NOL4: variants seen among roughly 807,000 people sequenced by gnomAD.
The protein encoded by NOL4 is nucleolar protein 4.
NOL4 carries 17 observed loss-of-function variants against 75.9 expected under a neutral mutation model. The observed-to-expected ratio is 0.22, with a 90% CI of 0.15 to 0.34. NOL4 has a LOEUF of 0.34. NOL4 is among the 10% of genes least tolerant of loss of function. The probability of loss-of-function intolerance (pLI) is 1.00; values close to 1 mark genes in which losing one functional copy is unlikely to be tolerated. For synonymous variants in NOL4, 292 were observed against 289.9 expected, an observed-to-expected ratio of 1.01 and a Z score of -0.07; for missense variants, 614 against 793.5, an observed-to-expected ratio of 0.77 and a Z score of 2.72.
chr18:33,871,379 G>A (rs1599691761), intron 10 of NOL4, among the ~76,000 whole-genome samples: 1 of 151,930 alleles, frequency 6.6e-6, no homozygotes, highest in African/African-American at 2.4e-5. Context: ...GTGGACAATG[G>A]CTGGCTCAAT....
intron 10 of NOL4, among the ~76,000 whole-genome samples, chr18:33,882,965 CA>C (rs1388174516): frequency 6.6e-6 from 1 of 151,756 alleles, no homozygotes; most frequent in Non-Finnish European, 1.5e-5. Flanking sequence ...AACAAAAAAC[CA>C]AACACCGCAT....
chr18:34,040,280 T>C (rs942731450), intron 5 of NOL4, among the ~76,000 whole-genome samples: 5 of 151,928 alleles, frequency 3.3e-5, no homozygotes, highest in African/African-American at 9.7e-5. Context: ...TTTCTCTTTA[T>C]ACATTTTGGT....
chr18:34,022,813 A>G (rs1047219305), intron 5 of NOL4, among the ~76,000 whole-genome samples: 2 of 152,094 alleles, frequency 1.3e-5, no homozygotes, highest in African/African-American at 2.4e-5. Flanking sequence ...TATCTTGGTT[A>G]AAAACTAAAC....
At chr18:34,127,871 G>A (rs1445741345) in intron 2 of NOL4, among the ~76,000 whole-genome samples, 1 of 151,884 alleles carries the variant, frequency 6.6e-6, no homozygotes, top group Non-Finnish European at 1.5e-5. Context: ...TCAGGAAAAG[G>A]TGACAACACT....
intron 9 of NOL4, among the ~76,000 whole-genome samples, chr18:33,910,674 G>A (rs966677994): frequency 1.3e-5 from 2 of 152,074 alleles, no homozygotes; most frequent in Non-Finnish European, 2.9e-5. Context: ...GACCCAGGAT[G>A]ACGGTGTTGT....
chr18:34,164,376 A>G (rs1421529867), intron 1 of NOL4, among the ~76,000 whole-genome samples: 1 of 152,188 alleles, frequency 6.6e-6, no homozygotes, highest in Non-Finnish European at 1.5e-5. Context: ...ATCTATAATG[A>G]ACTCAAACAA....
At chr18:33,948,547 C>T (rs2068991360) in intron 8 of NOL4, among the ~76,000 whole-genome samples, 1 of 151,960 alleles carries the variant, frequency 6.6e-6, no homozygotes, top group Admixed American at 6.6e-5. Context: ...TAACCAGCTA[C>T]TTGCCATGTG....
rs376428220 is a variant in NOL4, at chr18:34,133,745, C to T, written c.265-3725G>A. The stretch of plus-strand genomic sequence containing the variant: ...AAAAAGGTCAAATAAGAAAGTTGGC[C>T]GGGCTCAGTGGCTCAGGCCTGTAAT... On this transcript the variant is annotated intron_variant, in intron 1 of 10. Coordinates refer to ENST00000261592, the MANE Select transcript of NOL4 (RefSeq NM_003787.5). Among the ~76,000 whole-genome samples, 46 of 152,174 alleles carry T rather than the reference C, an allele frequency of 3.0e-4. No individual in the cohort carries two copies. In the South Asian group the frequency reaches 7.3e-3, roughly 24 times the overall value.
intron 9 of NOL4, among the ~76,000 whole-genome samples, chr18:33,940,560 C>T (rs573995809): frequency 2.0e-4 from 30 of 151,840 alleles, no homozygotes; most frequent in Admixed American, 1.3e-4. Flanking sequence ...GAGTAGGAGG[C>T]TAGGGGAGGG....
At chr18:34,195,330 T>G (rs2146438041) in intron 1 of NOL4, among the ~76,000 whole-genome samples, 1 of 152,310 alleles carries the variant, frequency 6.6e-6, no homozygotes, top group Admixed American at 6.5e-5. Context: ...CTTCACTTTA[T>G]GGATATTACT....
intron 5 of NOL4, among the ~76,000 whole-genome samples, chr18:34,057,614 T>C (rs1329869397): frequency 6.6e-6 from 1 of 152,202 alleles, no homozygotes; most frequent in African/African-American, 2.4e-5. Flanking sequence ...TAACAGTATC[T>C]ATTGACAATA....
rs149393879 is a variant in NOL4 at position 34,050,508 on chromosome 18, T to C, written c.773-30907A>G. On this transcript the variant is annotated intron_variant, in intron 5 of 10. Coordinates refer to ENST00000261592, the MANE Select transcript of NOL4 (RefSeq NM_003787.5). ...TCGATCATATTATATATTGTCTAGC[T>C]TCCCCAAGAAGACAATATTGTTTGT... is the stretch of plus-strand genomic sequence containing the variant. Among the ~76,000 whole-genome samples the C allele has an allele frequency of 4.9e-4, 75 of 152,198 alleles. No homozygotes were observed. The Middle Eastern group carries it at 0.01, about 21-fold the overall frequency.
intron 1 of NOL4, among the ~76,000 whole-genome samples, chr18:34,210,807 C>T (rs1432763786): frequency 6.6e-6 from 1 of 152,100 alleles, no homozygotes; most frequent in Admixed American, 6.6e-5. Context: ...AAATACTAGG[C>T]ATTTACAACA....
At chr18:34,165,813 T>A (rs1253238069) in intron 1 of NOL4, among the ~76,000 whole-genome samples, 5 of 152,054 alleles carry the variant, frequency 3.3e-5, no homozygotes, top group Admixed American at 3.3e-4. Flanking sequence ...AACTTTTAAA[T>A]ATATAATAAG....
chr18:33,931,597 G>A (rs1484304770), intron 9 of NOL4, among the ~76,000 whole-genome samples: 4 of 151,844 alleles, frequency 2.6e-5, no homozygotes, highest in Admixed American at 1.3e-4. Context: ...AGCCAGGTGT[G>A]ATGACATGTG....
chr18:34,217,124 T>C (rs2036946325), intron 1 of NOL4, among the ~76,000 whole-genome samples: 1 of 152,146 alleles, frequency 6.6e-6, no homozygotes, highest in Non-Finnish European at 1.5e-5. Flanking sequence ...TTTTTCTTTA[T>C]TTCTTTCCTT....
At chr18:34,053,109 A>T (rs1159355620) in intron 5 of NOL4, among the ~76,000 whole-genome samples, 1 of 152,022 alleles carries the variant, frequency 6.6e-6, no homozygotes, top group Non-Finnish European at 1.5e-5. Context: ...TAATAGGTAG[A>T]GAACTTTTGG....
intron 1 of NOL4, among the ~76,000 whole-genome samples, chr18:34,166,747 T>TA (rs919915795): frequency 1.8e-5 from 2 of 110,912 alleles, no homozygotes; most frequent in African/African-American, 3.2e-5. Flanking sequence ...AATATAATAG[T>TA]AAAAAAAAGG....
intron 6 of NOL4, among the ~76,000 whole-genome samples, chr18:33,978,608 A>G (rs2071693171): frequency 6.6e-6 from 1 of 152,218 alleles, no homozygotes; most frequent in East Asian, 1.9e-4. Flanking sequence ...ATTTAGATGT[A>G]TAATGTCATC....
Sources: gnomAD v4.1 joint callset for allele counts (sites outside exome capture counted in the v4.1 genomes callset) on GRCh38, gnomAD v4.1.1 for gene constraint, MANE v1.5 for transcripts, NCBI Gene and HGNC (gene_info 2026-07-23, HGNC 2026-07-21) for gene names.